Variants in SOX6 observed in about 807,000 individuals in gnomAD.
SOX6 encodes transcription factor SOX-6.
A neutral mutation model predicts 97.8 loss-of-function variants in SOX6; 11 were observed. That is an observed-to-expected ratio of 0.11 (90% confidence interval 0.07 to 0.19). SOX6 has a LOEUF of 0.19. Among genes scored for constraint, SOX6 ranks in the 10% least tolerant of loss-of-function variants. The pLI is 1.00. For missense variants in SOX6, 810 were observed against 1,039.5 expected (o/e 0.78, Z 3.04); for synonymous variants, 360 against 371.4 (o/e 0.97, Z 0.35).
intron 3 of SOX6, among the ~76,000 whole-genome samples, chr11:16,240,317 G>GTGT (rs1853151142): frequency 3.6e-5 from 2 of 55,948 alleles, no homozygotes; most frequent in Admixed American, 3.4e-4. Flanking sequence ...TGTGTGTGTG[G>GTGT]CAGTGGAAGC....
intron 1 of SOX6, among the ~76,000 whole-genome samples, chr11:16,465,242 G>A (rs540078815): frequency 1.9e-4 from 29 of 152,146 alleles, no homozygotes; most frequent in African/African-American, 7.0e-4. Context: ...ACAATTCCAG[G>A]GAAAAACTCT....
intron 3 of SOX6, among the ~76,000 whole-genome samples, chr11:16,298,838 T>C (rs1183364605): frequency 1.3e-5 from 2 of 152,020 alleles, no homozygotes; most frequent in African/African-American, 4.8e-5. Context: ...GATTAAAAGA[T>C]TAAATACTCC....
chr11:15,987,846 T>C (rs1312051681), intron 14 of SOX6, among the ~76,000 whole-genome samples: 2 of 151,940 alleles, frequency 1.3e-5, no homozygotes, highest in Non-Finnish European at 2.9e-5. Context: ...TAATGACATT[T>C]AGTATCCATT....
chr11:16,709,431 T>A (rs1233721636), intron 3 of SOX6, among the ~76,000 whole-genome samples: 1 of 152,052 alleles, frequency 6.6e-6, no homozygotes, highest in Non-Finnish European at 1.5e-5. Flanking sequence ...GGCACGAGAA[T>A]CACTTGAACT....
intron 3 of SOX6, among the ~76,000 whole-genome samples, chr11:16,637,665 G>A (rs1848811083): frequency 1.3e-5 from 2 of 152,216 alleles, no homozygotes; most frequent in Admixed American, 1.3e-4. Context: ...GATCGAATAA[G>A]ATGCCTTATT....
chr11:16,389,924 G>T (rs996515529), intron 1 of SOX6, among the ~76,000 whole-genome samples: 1 of 135,906 alleles, frequency 7.4e-6, no homozygotes, highest in African/African-American at 2.8e-5. Context: ...GAGCCGAGAT[G>T]GCGCCACTGC....
intron 12 of SOX6, among the ~76,000 whole-genome samples, chr11:16,029,152 C>T (rs1350544424): frequency 1.3e-5 from 2 of 152,320 alleles, no homozygotes; most frequent in Middle Eastern, 3.4e-3. Context: ...AGAAATGATG[C>T]TTAGATCACA....
chr11:16,527,333 C>A (rs1022414059), intron 4 of SOX6, among the ~76,000 whole-genome samples: 1 of 152,072 alleles, frequency 6.6e-6, no homozygotes, highest in Non-Finnish European at 1.5e-5. Flanking sequence ...TCAGCTGGAA[C>A]CTGCTCTGGG....
rs114895798 is a variant in SOX6 at position 16,677,794 on chromosome 11, T to A, written n.429+37036A>T. ...TGATTAGTATTATTTCTCCTTTAAATGTTTGGTAGAATTTGCCAGTGAAGC... is the reference window on the plus strand; with the variant it reads ...TGATTAGTATTATTTCTCCTTTAAAAGTTTGGTAGAATTTGCCAGTGAAGC... On this transcript the variant is annotated intron_variant and non_coding_transcript_variant, in intron 3 of 5. Transcript: ENST00000524520. Among the ~76,000 whole-genome samples, 1,221 of 152,312 alleles carry A rather than the reference T, an allele frequency of 8.0e-3. 20 individuals carry two copies. The highest frequency in any genetic ancestry group is 0.027 in the African/African-American group (1,110 of 41,568).
At chr11:16,622,716 T>C (rs1348092072) in intron 3 of SOX6, among the ~76,000 whole-genome samples, 1 of 152,226 alleles carries the variant, frequency 6.6e-6, no homozygotes, top group East Asian at 1.9e-4. Context: ...TGAATTGTGC[T>C]GCTATAAACA....
upstream of SOX6, among the ~76,000 whole-genome samples, chr11:16,476,734 T>C (rs1406604230): frequency 1.3e-5 from 2 of 152,208 alleles, no homozygotes; most frequent in East Asian, 1.9e-4. Flanking sequence ...TTAATTTATG[T>C]CTGCAAGTTG....
chr11:16,420,624 AG>A lies in SOX6; in HGVS notation c.-5+55690del, dbSNP rs905918931. On this transcript the variant is annotated intron_variant, in intron 1 of 15. Coordinates refer to the SOX6 transcript ENST00000396356. ...TATTCTAGAAGATTTCTCACAAACT[AG>A]TTTTTTAAAACGTATTTTTTTCTTC... Among the ~76,000 whole-genome samples the A allele has an allele frequency of 2.0e-5, 3 of 152,184 alleles. No individual in the cohort carries two copies. In the East Asian group the frequency reaches 5.8e-4, roughly 29 times the overall value.
At chr11:16,251,124 AT>A (rs1260550033) in intron 3 of SOX6, among the ~76,000 whole-genome samples, 1 of 152,142 alleles carries the variant, frequency 6.6e-6, no homozygotes, top group Non-Finnish European at 1.5e-5. Flanking sequence ...GACATCTCAA[AT>A]TTTTATGTCT....
chr11:16,498,602 G>T (rs926838773), intron 4 of SOX6, among the ~76,000 whole-genome samples: 5 of 152,056 alleles, frequency 3.3e-5, no homozygotes, highest in African/African-American at 1.2e-4. Flanking sequence ...CAAAATAAAG[G>T]GATGGAGGAA....
chr11:16,679,594 C>A (rs1183895926), intron 3 of SOX6, among the ~76,000 whole-genome samples: 1 of 152,128 alleles, frequency 6.6e-6, no homozygotes, highest in Non-Finnish European at 1.5e-5. Context: ...AGCAAGGGAA[C>A]AAAACTGGAC....
chr11:15,966,521 T>C lies in SOX6; in HGVS notation c.*6288A>G, dbSNP rs998146847. On this transcript the variant is annotated 3_prime_UTR_variant, in exon 16 of 16. Coordinates refer to ENST00000683767, the MANE Select transcript of SOX6 (RefSeq NM_001367873.1). ...AAAAGATGGAGTGATGACAACTAGA[T>C]TAGGGTAGAGAGGACAGTCTTGAGG... 3 of 152,222 alleles carry C rather than the reference T, an allele frequency of 2.0e-5. No individual in the cohort carries two copies. The highest frequency in any genetic ancestry group is 7.2e-5 in the African/African-American group (3 of 41,432). 9.4% of individuals were successfully genotyped at this position (152,222 alleles called of 1,614,324 possible).
intron 7 of SOX6, among the ~76,000 whole-genome samples, chr11:16,098,604 T>A (rs555119690): frequency 6.6e-6 from 1 of 151,896 alleles, no homozygotes. Context: ...AAAATTAGTA[T>A]GTGTGGATAA....
intron 4 of SOX6, among the ~76,000 whole-genome samples, chr11:16,555,926 T>C (rs943349985): frequency 3.3e-5 from 5 of 151,744 alleles, no homozygotes; most frequent in African/African-American, 1.2e-4. Context: ...GATTCTGATC[T>C]TGACATCTTG....
chr11:16,467,618 C>T (rs1230352067), intron 1 of SOX6, among the ~76,000 whole-genome samples: 1 of 152,140 alleles, frequency 6.6e-6, no homozygotes, highest in South Asian at 2.1e-4. Flanking sequence ...GGGAACAACA[C>T]ACACTGGGGC....
Sources: allele counts gnomAD v4.1 joint callset (sites outside exome capture counted in the v4.1 genomes callset), GRCh38; gene constraint gnomAD v4.1.1; transcripts MANE v1.5; gene names NCBI Gene and HGNC (gene_info 2026-07-23, HGNC 2026-07-21).